Variants in GCC2 observed in about 807,000 individuals in gnomAD.
GCC2 encodes GRIP and coiled-coil domain-containing protein 2.
Under a neutral mutation model 210.6 loss-of-function variants are expected in GCC2, and 120 were observed. The observed-to-expected ratio is 0.57, with a 90% CI of 0.49 to 0.66. The LOEUF is 0.66. GCC2 is among the 30% of genes least tolerant of loss of function. The pLI is 0.00. For synonymous variants in GCC2, 703 were observed against 652.7 expected, an observed-to-expected ratio of 1.08 and a Z score of -1.17; for missense variants, 1,868 against 1,871.9, an observed-to-expected ratio of 1.00 and a Z score of 0.04.
In GCC2 at chr2:108,497,000, A is replaced by G. The variant is rs1682675884; in HGVS notation, c.4673A>G (p.Lys1558Arg). The G allele has an allele frequency of 1.9e-6, 3 of 1,612,046 alleles. No homozygotes were observed. Among genetic ancestry groups the G allele is most frequent in the African/African-American group, 1.3e-5 (1 of 74,986 alleles). ...EPPLWHAEFT[K>R]EELVQKLSST... Reference sequence around the variant, plus strand: ...CCATTATGGCATGCTGAATTTACCAAAGAAGAATTGGTTCAGAAGCTCAGT... The same window carrying G: ...CCATTATGGCATGCTGAATTTACCAGAGAAGAATTGGTTCAGAAGCTCAGT... Residue 1558 changes from lysine to arginine, a missense_variant, in exon 21 of 23, where the codon AAA (lysine) becomes AGA (arginine). Physicochemically the swap from Lys to Arg is conservative, Grantham distance 26 (BLOSUM62 2). Around this residue, in one of 3 missense-constraint regions of GCC2, gnomAD observed 1,847 missense variants for 1,765.2 expected, o/e 1.05. Transcript: ENST00000309863.
chr2:108,487,609 C>T, intron 16 of GCC2, 90 bp from the exon 17 acceptor site: 2 of 1,214,392 alleles, frequency 1.6e-6, no homozygotes, highest in Non-Finnish European at 2.3e-6. Context: ...TTTTCAAAAA[C>T]AGGTTTTTAT....
At chr2:108,505,964 A>G (rs1683163302) in intron 22 of GCC2, among the ~76,000 whole-genome samples, 1 of 152,168 alleles carries the variant, frequency 6.6e-6, no homozygotes, top group Admixed American at 6.6e-5. Flanking sequence ...ACTGACATAC[A>G]TATATACGTA....
chr2:108,492,800 T>G lies in GCC2; in HGVS notation c.4447+10T>G, dbSNP rs1682471548. 1 of 1,556,210 alleles carries G rather than the reference T, an allele frequency of 6.4e-7. No homozygotes were observed. The highest frequency in any genetic ancestry group is 8.9e-7 in the Non-Finnish European group (1 of 1,127,268). ...GAACCGACCACAAGAAGTATGTATGTACACATGGAAATATTAGTTGTTCAT... is the reference window on the plus strand; with the variant it reads ...GAACCGACCACAAGAAGTATGTATGGACACATGGAAATATTAGTTGTTCAT... On this transcript the variant is annotated intron_variant, in intron 19 of 22. Transcript: ENST00000309863.
intron 9 of GCC2, among the ~76,000 whole-genome samples, chr2:108,480,056 A>G (rs1312494107): frequency 1.3e-5 from 2 of 151,884 alleles, no homozygotes; most frequent in Non-Finnish European, 2.9e-5. Context: ...CAAGGACACA[A>G]GAGGTCCAGG....
chr2:108,449,377 C>G, intron 1 of GCC2, 97 bp downstream of exon 1: 1 of 1,492,096 alleles, frequency 6.7e-7, no homozygotes, highest in Non-Finnish European at 9.0e-7. Flanking sequence ...TAGTCTCCCT[C>G]TTGGTGTCCC....
At position 108,470,377 on chromosome 2, in the gene GCC2, A is replaced by C. The variant is rs767153817; in HGVS notation, c.1048A>C (p.Ile350Leu). 5 of 1,606,492 alleles carry C rather than the reference A, an allele frequency of 3.1e-6. No homozygotes were observed. The East Asian group carries it at 1.1e-4, about 36-fold the overall frequency. Residue 350 changes from isoleucine to leucine, a missense_variant, in exon 6 of 23, where the codon ATC becomes CTC. By Grantham distance (5) the Ile-to-Leu change is conservative. Transcript: ENST00000309863. ...AAAAGAACTTGAATCTCAACACAGT[A>C]TCTTAAAAGATGAGGTAACTTATAT... ...TLKELESQHS[I>L]LKDEVTYMNN...
chr2:108,480,290 A>G (rs898512901), intron 9 of GCC2, among the ~76,000 whole-genome samples: 6 of 152,220 alleles, frequency 3.9e-5, no homozygotes, highest in Non-Finnish European at 8.8e-5. Context: ...GAGAAAAAGG[A>G]ACACTTACAC....
In GCC2 at chr2:108,487,653, G is replaced by T. The variant is rs1045725459; in HGVS notation, c.3931-46G>T. ...GTTAATCTCTGAAAGAAAATAGAAGGACCCTGTTACAGTAGAAAAACGTTT... is the reference window on the plus strand; with the variant it reads ...GTTAATCTCTGAAAGAAAATAGAAGTACCCTGTTACAGTAGAAAAACGTTT... On this transcript the variant is annotated intron_variant, in intron 16 of 22. Transcript: ENST00000309863. 5 of 1,507,812 alleles carry T rather than the reference G, an allele frequency of 3.3e-6. No individual in the cohort carries two copies. In the African/African-American group the frequency reaches 7.1e-5, roughly 21 times the overall value. The allele number at this position is 1,507,812 out of a possible 1,614,324, so 93.4% of individuals were successfully genotyped here.
intron 19 of GCC2, chr2:108,493,627 C>A (rs565784971): frequency 5.7e-5 from 56 of 985,366 alleles, no homozygotes; most frequent in Non-Finnish European, 6.4e-5. Flanking sequence ...TCCAGGAAGA[C>A]ATGGAAAAAT....
chr2:108,495,994 A>T (rs1396587079), intron 20 of GCC2: 1 of 153,162 alleles, frequency 6.5e-6, no homozygotes, highest in Non-Finnish European at 1.5e-5. Context: ...AACACTCAGG[A>T]TTAATACTTT....
At position 108,461,999 on chromosome 2, in the gene GCC2, A is replaced by T. The variant is rs868051125; in HGVS notation, c.217-6981A>T. Among the ~76,000 whole-genome samples the T allele has an allele frequency of 4.9e-3, 658 of 133,836 alleles. 6 individuals are homozygous for T. The highest frequency in any genetic ancestry group is 0.017 in the African/African-American group (623 of 36,438). The allele number at this position is 133,836 out of a possible 152,430, so 87.8% of individuals were successfully genotyped here. A position where few individuals can be genotyped will look rare whatever the true frequency, so the allele number is the denominator to read the frequency against. ...AGGCGCCCACCACCGCCCCCAGCTAATTTTTTTTTTTTGTATTTTAGTAGA... is the reference window on the plus strand; with the variant it reads ...AGGCGCCCACCACCGCCCCCAGCTATTTTTTTTTTTTTGTATTTTAGTAGA... On this transcript the variant is annotated intron_variant, in intron 4 of 22. Transcript: ENST00000309863.
At chr2:108,466,591 G>C (rs1316346899) in intron 4 of GCC2, among the ~76,000 whole-genome samples, 1 of 151,898 alleles carries the variant, frequency 6.6e-6, no homozygotes, top group Non-Finnish European at 1.5e-5. Context: ...TTCTGCCTCA[G>C]CCTCCCGAGT....
rs1573369954 is a variant in GCC2 at position 108,470,924 on chromosome 2, C to T, written c.1595C>T (p.Ala532Val). The stretch of plus-strand genomic sequence containing the variant: ...AGAACTGCTTTTACTGAAAAAGATG[C>T]CCTTCTCGAAACTGTGAATCGCCTC... ...KLRTAFTEKD[A>V]LLETVNRLQG... The change falls in exon 6 of 23, where the codon GCC becomes GTC. Residue 532 changes from alanine (A) to valine (V), a missense_variant. Physicochemically the swap from Ala to Val is moderately conservative, Grantham distance 64. Around this residue, in one of 3 missense-constraint regions of GCC2, gnomAD observed 1,847 missense variants for 1,765.2 expected, o/e 1.05. Coordinates refer to ENST00000309863, the MANE Select transcript of GCC2 (RefSeq NM_181453.4). 6.2e-7 allele frequency: 1 copy of T among 1,613,134 alleles called. No homozygotes were observed. Among genetic ancestry groups the T allele is most frequent in the East Asian group, 2.2e-5 (1 of 44,856 alleles).
At chr2:108,506,802 CAAAT>C (rs1280291673) in intron 22 of GCC2, among the ~76,000 whole-genome samples, 1 of 151,930 alleles carries the variant, frequency 6.6e-6, no homozygotes, top group Non-Finnish European at 1.5e-5. Flanking sequence ...TGGAGAAAGA[CAAAT>C]AATGTTCGAG....
intron 18 of GCC2, among the ~76,000 whole-genome samples, chr2:108,491,628 A>G (rs1573223762): frequency 6.6e-6 from 1 of 152,178 alleles, no homozygotes; most frequent in East Asian, 1.9e-4. Context: ...AACAACGTTT[A>G]TCTACCTGTG....
intron 4 of GCC2, among the ~76,000 whole-genome samples, chr2:108,464,302 C>T (rs1680756784): frequency 6.6e-6 from 1 of 152,166 alleles, no homozygotes; most frequent in Non-Finnish European, 1.5e-5. Context: ...AATGCTCAGC[C>T]ACCCCTCTGC....
At chr2:108,484,475 C>A (rs1337906178) in intron 13 of GCC2, 164 bp downstream of exon 13, 3 of 458,272 alleles carry the variant, frequency 6.5e-6, no homozygotes, top group Non-Finnish European at 8.0e-6. Flanking sequence ...AAACTGTTTG[C>A]CATTAAGTTG....
rs1681091197 is a variant in GCC2, at chr2:108,469,835, A to T, written c.506A>T (p.Gln169Leu). 2 of 1,613,002 alleles carry T rather than the reference A, an allele frequency of 1.2e-6. No homozygotes were observed. Among genetic ancestry groups the T allele is most frequent in the Non-Finnish European group, 1.7e-6 (2 of 1,179,552 alleles). Residue 169 changes from glutamine to leucine, a missense_variant, in exon 6 of 23, where the codon CAA (glutamine) becomes CTA (leucine). Coordinates refer to ENST00000309863, the MANE Select transcript of GCC2 (RefSeq NM_181453.4). ...AATACGCAATTAGAACTTTCAGAAC[A>T]ACTTAAATTTCAGAACAACTCTGAA... ...AMNTQLELSE[Q>L]LKFQNNSEDN...
At chr2:108,486,289 G>T in intron 15 of GCC2, 1 of 545,554 alleles carries the variant, frequency 1.8e-6, no homozygotes, top group Non-Finnish European at 3.3e-6. Context: ...ATGTAGTCTG[G>T]GATTTTCTTT....
Sources: gnomAD v4.1 joint callset for allele counts (sites outside exome capture counted in the v4.1 genomes callset) on GRCh38, gnomAD v4.1.1 for gene constraint, gnomAD v4.1.1 regional missense constraint, MANE v1.5 for transcripts, NCBI Gene and HGNC (gene_info 2026-07-23, HGNC 2026-07-21) for gene names.